Variants in LRP1B observed in about 807,000 individuals in gnomAD.
The protein encoded by LRP1B is low-density lipoprotein receptor-related protein 1B.
LRP1B carries 217 observed loss-of-function variants against 556.6 expected under a neutral mutation model. The observed-to-expected ratio is 0.39, with a 90% CI of 0.35 to 0.44. The LOEUF is 0.44. Ranked by LOEUF, LRP1B falls within the 20% of genes least tolerant of loss-of-function variation. The pLI, the probability that LRP1B is intolerant of heterozygous loss-of-function variation, is 1.00. For missense variants in LRP1B, 5,053 were observed against 5,620.8 expected (o/e 0.90, Z 3.23); for synonymous variants, 2,047 against 1,865.8 (o/e 1.10, Z -2.50).
At position 140,601,658 on chromosome 2, in the gene LRP1B, G is replaced by T. The variant is rs774855738; in HGVS notation, c.6800-19C>A. On this transcript the variant is annotated intron_variant, in intron 41 of 90. Coordinates refer to ENST00000389484, the MANE Select transcript of LRP1B (RefSeq NM_018557.3). ...CCCACATCTAGTGGGGGAAGAAAAA[G>T]AAAAAATATATACTTTTATTTACAA... is the stretch of plus-strand genomic sequence containing the variant. 6.6e-7 allele frequency: 1 copy of T among 1,523,354 alleles called. No individual in the cohort carries two copies. Among genetic ancestry groups the T allele is most frequent in the South Asian group, 1.3e-5 (1 of 76,416 alleles). 94.4% of individuals were successfully genotyped at this position (1,523,354 alleles called of 1,614,324 possible). A position where few individuals can be genotyped will look rare whatever the true frequency, so the allele number is the denominator to read the frequency against.
intron 3 of LRP1B, among the ~76,000 whole-genome samples, chr2:141,418,466 ACT>A (rs142027914): frequency 0.066 from 9,586 of 145,900 alleles, 1,037 homozygotes; most frequent in African/African-American, 0.23. Context: ...ATACCCAGTT[ACT>A]CAACATCATT....
At chr2:140,755,140 C>T (rs553963475) in intron 35 of LRP1B, among the ~76,000 whole-genome samples, 3 of 151,866 alleles carry the variant, frequency 2.0e-5, no homozygotes, top group Non-Finnish European at 4.4e-5. Context: ...AACATATGAA[C>T]AGATCTATAA....
chr2:141,638,687 C>T lies in LRP1B; in HGVS notation c.206-158154G>A, dbSNP rs561078145. On this transcript the variant is annotated intron_variant, in intron 2 of 90. Coordinates refer to ENST00000389484, the MANE Select transcript of LRP1B (RefSeq NM_018557.3). ...AGATTCATTCCTGGACCCAGGAGTA[C>T]GCATCATCAAGCAATTTGAAGGCTT... Among the ~76,000 whole-genome samples, 17 of 111,008 alleles carry T rather than the reference C, an allele frequency of 1.5e-4. 5 individuals carry two copies. In the South Asian group the frequency reaches 1.9e-3, roughly 13 times the overall value. 72.8% of individuals were successfully genotyped at this position (111,008 alleles called of 152,430 possible).
At chr2:141,019,461 C>A (rs79030974) in intron 12 of LRP1B, among the ~76,000 whole-genome samples, 1 of 151,852 alleles carries the variant, frequency 6.6e-6, no homozygotes, top group Non-Finnish European at 1.5e-5. Context: ...AGAATAGCAA[C>A]GAATTCAGAG....
At chr2:141,074,565 C>G (rs374785674) in intron 7 of LRP1B, among the ~76,000 whole-genome samples, 6 of 100,090 alleles carry the variant, frequency 6.0e-5, no homozygotes, top group African/African-American at 1.4e-4. Flanking sequence ...CTTTCTGTCT[C>G]TCTGTCTCTC....
chr2:140,785,284 G>C (rs539944109), intron 32 of LRP1B, among the ~76,000 whole-genome samples: 2 of 152,258 alleles, frequency 1.3e-5, no homozygotes, highest in African/African-American at 4.8e-5. Context: ...GCTGGAAGCT[G>C]TACTTCACTA....
chr2:140,972,805 T>A lies in LRP1B; in HGVS notation c.2887+9355A>T, dbSNP rs1696471891. ...TTGGAAACTAGAGAGAGGTGAAGTT[T>A]ATGTAAATTTCTGACAATAATTCTA... On this transcript the variant is annotated intron_variant, in intron 18 of 90. Coordinates refer to ENST00000389484, the MANE Select transcript of LRP1B (RefSeq NM_018557.3). 5.3e-5 allele frequency among the ~76,000 whole-genome samples: 8 copies of A among 151,812 alleles called. No individual in the cohort carries two copies. The South Asian group carries it at 1.7e-3, about 31-fold the overall frequency.
intron 7 of LRP1B, among the ~76,000 whole-genome samples, chr2:141,118,880 C>CT (rs1700972432): frequency 6.6e-6 from 1 of 151,568 alleles, no homozygotes; most frequent in Non-Finnish European, 1.5e-5. Context: ...CAAACATGTC[C>CT]TTTAAGTTCA....
intron 84 of LRP1B, among the ~76,000 whole-genome samples, chr2:140,291,322 T>A (rs186283837): frequency 0.025 from 613 of 24,248 alleles, no homozygotes; most frequent in Non-Finnish European, 0.073. Flanking sequence ...ATATATATTT[T>A]TATTATACTT....
intron 1 of LRP1B, among the ~76,000 whole-genome samples, chr2:141,822,957 T>C (rs1043829708): frequency 1.3e-5 from 2 of 152,262 alleles, no homozygotes; most frequent in Admixed American, 6.5e-5. Flanking sequence ...GATTAACACA[T>C]TCCGTGAACA....
intron 43 of LRP1B, among the ~76,000 whole-genome samples, chr2:140,574,294 A>T (rs1681437371): frequency 6.6e-6 from 1 of 152,150 alleles, no homozygotes; most frequent in Admixed American, 6.5e-5. Flanking sequence ...GCTTGAAGAA[A>T]CAACATTATA....
chr2:140,748,589 G>GTA (rs1688430014), intron 35 of LRP1B, among the ~76,000 whole-genome samples: 2 of 18,744 alleles, frequency 1.1e-4, no homozygotes, highest in African/African-American at 3.3e-4. Flanking sequence ...CATATACAGT[G>GTA]TGTATATATA....
intron 41 of LRP1B, among the ~76,000 whole-genome samples, chr2:140,619,074 TAC>T (rs113009077): frequency 0.028 from 4,079 of 146,492 alleles, 83 homozygotes; most frequent in Non-Finnish European, 0.041. Flanking sequence ...TATATCTATC[TAC>T]ACACACACAC....
At chr2:140,754,994 C>T (rs1432293334) in intron 35 of LRP1B, among the ~76,000 whole-genome samples, 1 of 149,378 alleles carries the variant, frequency 6.7e-6, no homozygotes, top group African/African-American at 2.5e-5. Flanking sequence ...GACACCCCTA[C>T]TGATACAGTA....
At chr2:140,516,146 G>A (rs987619339) in intron 50 of LRP1B, among the ~76,000 whole-genome samples, 2 of 151,982 alleles carry the variant, frequency 1.3e-5, no homozygotes, top group African/African-American at 4.8e-5. Context: ...ATTATTGAAA[G>A]CTATACATGT....
intron 1 of LRP1B, among the ~76,000 whole-genome samples, chr2:141,958,806 A>T (rs1355148639): frequency 6.6e-6 from 1 of 152,026 alleles, no homozygotes; most frequent in Non-Finnish European, 1.5e-5. Flanking sequence ...ATAAACTCAG[A>T]CTGGTGTAAG....
chr2:140,935,521 G>A (rs1337286358), intron 20 of LRP1B, among the ~76,000 whole-genome samples: 1 of 151,958 alleles, frequency 6.6e-6, no homozygotes, highest in Non-Finnish European at 1.5e-5. Context: ...AAAGAAAACT[G>A]AACACAGTAT....
chr2:141,243,917 T>G (rs1429711544), intron 5 of LRP1B, among the ~76,000 whole-genome samples: 3 of 152,184 alleles, frequency 2.0e-5, no homozygotes, highest in African/African-American at 4.8e-5. Context: ...ATACAATTAT[T>G]TCTTAAAGAT....
At chr2:140,846,114 T>A (rs556527949) in intron 29 of LRP1B, among the ~76,000 whole-genome samples, 2 of 152,102 alleles carry the variant, frequency 1.3e-5, no homozygotes, top group Non-Finnish European at 2.9e-5. Flanking sequence ...ACCAAAAGAA[T>A]GACAATTAGA....
Sources: gnomAD v4.1 joint callset for allele counts (sites outside exome capture counted in the v4.1 genomes callset) on GRCh38, gnomAD v4.1.1 for gene constraint, MANE v1.5 for transcripts, NCBI Gene and HGNC (gene_info 2026-07-23, HGNC 2026-07-21) for gene names.